Variants in CYGB observed in about 807,000 individuals in gnomAD.
CYGB encodes histoglobin.
A neutral mutation model predicts 20.7 loss-of-function variants in CYGB; 13 were observed. The ratio of observed to expected loss-of-function variants is 0.63; its 90% CI spans 0.41 to 1.00. The LOEUF (loss-of-function observed/expected upper bound fraction) is 1.00. Ranked by LOEUF, CYGB falls within the 50% of genes least tolerant of loss-of-function variation. The pLI is 0.00. For missense variants in CYGB, 218 were observed against 257.2 expected (o/e 0.85, Z 1.04); for synonymous variants, 93 against 107.4 (o/e 0.87, Z 0.83).
Position 76,533,635 on chromosome 17 carries a change from A to G in CYGB, c.144-1944T>C, listed in dbSNP as rs1598204890. Among the ~76,000 whole-genome samples, 1 of 152,214 alleles carries G rather than the reference A, an allele frequency of 6.6e-6. No individual in the cohort carries two copies. The highest frequency in any genetic ancestry group is 3.4e-3 in the Middle Eastern group (1 of 294). On this transcript the variant is annotated intron_variant, in intron 1 of 3. Transcript: ENST00000293230. This position sits in a 1 kb window ranked among gnomAD's most constrained non-coding sequence, Gnocchi z 4.5. ...CTACTCAGGGGCCTAAAGTGGGAGG[A>G]TCACTTGAACCCGGGAGGCCAAGGC...
intron 1 of CYGB, chr17:76,544,739 A>G (rs1181635422): frequency 6.6e-6 from 3 of 456,596 alleles, no homozygotes; most frequent in African/African-American, 6.0e-5. Flanking sequence ...CCCCGATCCT[A>G]TCTGCATTTA....
chr17:76,540,250 T>TGGGTGGGGGGGGGG, upstream of CYGB: 1 of 463,682 alleles, frequency 2.2e-6, no homozygotes, highest in Non-Finnish European at 3.6e-6. The surrounding 1 kb of genome is among the most constrained non-coding windows in gnomAD (Gnocchi z 5.0). Flanking sequence ...TGGCGGTTGG[T>TGGGTGGGGGGGGGG]CGGGGGGGGG....
intron 3 of CYGB, chr17:76,529,398 G>C (rs186085584): frequency 1.3e-5 from 13 of 985,416 alleles, no homozygotes; most frequent in Non-Finnish European, 1.4e-5. Flanking sequence ...AGGAGACTTC[G>C]GCCGTTTCAA....
chr17:76,545,517 C>G, intron 1 of CYGB: 2 of 382,774 alleles, frequency 5.2e-6, no homozygotes, highest in Non-Finnish European at 1.0e-5. Context: ...GGGTGGGGTC[C>G]CTTCTGGTCT....
chr17:76,540,591 G>T, upstream of CYGB: 1 of 1,612,146 alleles, frequency 6.2e-7, no homozygotes, highest in Non-Finnish European at 8.5e-7. This position sits in a 1 kb window ranked among gnomAD's most constrained non-coding sequence, Gnocchi z 5.0. Context: ...AGGAGTCTGG[G>T]CTGGGGGAGG....
intron 1 of CYGB, chr17:76,545,079 G>C (rs532506713): frequency 8.8e-6 from 4 of 453,322 alleles, no homozygotes; most frequent in African/African-American, 8.0e-5. Flanking sequence ...GTCTCCCCCA[G>C]GGAGCAGGCT....
upstream of CYGB, chr17:76,540,389 C>T: frequency 1.5e-6 from 2 of 1,331,890 alleles, no homozygotes; most frequent in Non-Finnish European, 2.2e-6. This position sits in a 1 kb window ranked among gnomAD's most constrained non-coding sequence, Gnocchi z 5.0. Flanking sequence ...CTTAGAGCTT[C>T]AAAGGCTCTA....
intron 1 of CYGB, among the ~76,000 whole-genome samples, chr17:76,532,511 G>C (rs1197245360): frequency 6.7e-6 from 1 of 150,174 alleles, no homozygotes; most frequent in Admixed American, 6.6e-5. Flanking sequence ...GGGCCCTGCA[G>C]TGTGAAAAAT....
chr17:76,539,517 T>C (rs902577419), upstream of CYGB, among the ~76,000 whole-genome samples: 6 of 152,336 alleles, frequency 3.9e-5, no homozygotes, highest in Admixed American at 2.0e-4. Context: ...CCTTCACTGT[T>C]GAGTCTCCCG....
chr17:76,536,175 C>T (rs1213442106), intron 1 of CYGB, among the ~76,000 whole-genome samples: 1 of 152,190 alleles, frequency 6.6e-6, no homozygotes, highest in Non-Finnish European at 1.5e-5. Flanking sequence ...GCTGCCCCAT[C>T]CTCAGGAGCG....
At chr17:76,534,146 T>TTCTCTCTCTCTTTC (rs2074886183) in intron 1 of CYGB, among the ~76,000 whole-genome samples, 1 of 128,902 alleles carries the variant, frequency 7.8e-6, no homozygotes, top group Admixed American at 8.4e-5. Flanking sequence ...CTCTTTCTCT[T>TTCTCTCTCTCTTTC]TCTCTCTCTC....
At chr17:76,540,706 CT>C, upstream of CYGB, 1 of 870,704 alleles carries the variant, frequency 1.1e-6, no homozygotes, top group Non-Finnish European at 1.9e-6. The surrounding 1 kb of genome is among the most constrained non-coding windows in gnomAD (Gnocchi z 5.0). Context: ...CCTAAGCACC[CT>C]GCTCCCTGTC....
intron 1 of CYGB, chr17:76,545,754 A>T (rs1454955503): frequency 4.2e-6 from 1 of 235,340 alleles, no homozygotes; most frequent in East Asian, 1.0e-4. Context: ...GATGCTTAGC[A>T]TGTTGGGTAA....
rs1453469239 is a variant in CYGB, at chr17:76,528,372, C to T, written c.*206G>A. On this transcript the variant is annotated 3_prime_UTR_variant, in exon 4 of 4. Coordinates refer to ENST00000293230, the MANE Select transcript of CYGB (RefSeq NM_134268.5). This position sits in a 1 kb window ranked among gnomAD's most constrained non-coding sequence, Gnocchi z 5.8. Reference sequence around the variant, plus strand: ...AGAGTGGGCCCCGCTCTGCCCGCCGCGCTGGGGTCAGCATCCAGGCAGCCA... The same window carrying T: ...AGAGTGGGCCCCGCTCTGCCCGCCGTGCTGGGGTCAGCATCCAGGCAGCCA... 1.4e-5 allele frequency: 6 copies of T among 425,782 alleles called. No individual in the cohort carries two copies. Among genetic ancestry groups the T allele is most frequent in the African/African-American group, 4.1e-5 (2 of 48,996 alleles). The allele number at this position is 425,782 out of a possible 1,614,324, so 26.4% of individuals were successfully genotyped here.
intron 1 of CYGB, chr17:76,547,481 G>C (rs1407734183): frequency 6.6e-6 from 1 of 152,324 alleles, no homozygotes; most frequent in African/African-American, 2.4e-5. Flanking sequence ...CAGTCCTTGT[G>C]CCTAAGGAGC....
At chr17:76,540,243 C>A (rs557680109), upstream of CYGB, 19 of 189,530 alleles carry the variant, frequency 1.0e-4, no homozygotes, top group East Asian at 1.6e-3. The surrounding 1 kb of genome is among the most constrained non-coding windows in gnomAD (Gnocchi z 5.0). Context: ...CTATGGCTGG[C>A]GGTTGGTCGG....
At chr17:76,542,215 A>G (rs912592000), upstream of CYGB, among the ~76,000 whole-genome samples, 3 of 152,074 alleles carry the variant, frequency 2.0e-5, no homozygotes, top group African/African-American at 7.2e-5. Flanking sequence ...CAGGAGAGAA[A>G]AGGCCAAATC....
chr17:76,531,559 G>A lies in CYGB; in HGVS notation c.276C>T (p.Val92=), dbSNP rs148657053. The A allele has an allele frequency of 1.1e-5, 18 of 1,614,030 alleles. No homozygotes were observed. The highest frequency in any genetic ancestry group is 2.2e-5 in the East Asian group (1 of 44,902). Residue 92 remains valine, a synonymous_variant, in exon 2 of 4, where the codon GTC becomes GTT. Coordinates refer to ENST00000293230, the MANE Select transcript of CYGB (RefSeq NM_134268.5). This position sits in a 1 kb window ranked among gnomAD's most constrained non-coding sequence, Gnocchi z 7.4. ...ACRVMGALNT[V]VENLHDPDKV... ...TGTCGGGGTCATGCAGGTTCTCCAC[G>A]ACAGTGTTGAGGGCCCCCATGACTC... is the stretch of plus-strand genomic sequence containing the variant.
intron 1 of CYGB, among the ~76,000 whole-genome samples, chr17:76,532,527 T>C (rs1437128213): frequency 6.9e-6 from 1 of 144,772 alleles, no homozygotes; most frequent in African/African-American, 2.5e-5. Flanking sequence ...AAAATGACAA[T>C]GGCTTTTTTT....
Sources: allele counts gnomAD v4.1 joint callset (sites outside exome capture counted in the v4.1 genomes callset), GRCh38; gene constraint gnomAD v4.1.1; non-coding constraint Gnocchi (gnomAD v3.1); transcripts MANE v1.5; gene names NCBI Gene and HGNC (gene_info 2026-07-23, HGNC 2026-07-21).